Variants in ENKUR observed in about 807,000 individuals in gnomAD.
The protein encoded by ENKUR is enkurin, TRPC channel interacting protein.
ENKUR carries 19 observed loss-of-function variants against 27.6 expected under a neutral mutation model. The observed-to-expected ratio is 0.69, with a 90% CI of 0.48 to 1.01. The LOEUF (loss-of-function observed/expected upper bound fraction) is 1.01. Among genes scored for constraint, ENKUR ranks in the 50% least tolerant of loss-of-function variants. ENKUR has a pLI of 0.00. For missense variants in ENKUR, 312 were observed against 310.5 expected (o/e 1.00, Z -0.04); for synonymous variants, 117 against 96.9 (o/e 1.21, Z -1.22).
At chr10:25,056,440 A>G (rs1051574548) in intron 2 of ENKUR, among the ~76,000 whole-genome samples, 25 of 152,326 alleles carry the variant, frequency 1.6e-4, no homozygotes, top group South Asian at 4.1e-4. Context: ...ATATTTTGGG[A>G]AAATTAGGGA....
In ENKUR at chr10:24,999,500, C is replaced by T. The variant is rs774632118; in HGVS notation, c.124G>A (p.Ala42Thr). The change falls in exon 2 of 6, where the codon GCT becomes ACT. Residue 42 changes from alanine to threonine, a missense_variant. Ala to Thr is a moderately conservative substitution (Grantham distance 58, BLOSUM62 0). Coordinates refer to ENST00000331161, the MANE Select transcript of ENKUR (RefSeq NM_145010.4). The stretch of plus-strand genomic sequence containing the variant: ...CCCATAGTTTTCATTGCAGTTTTAG[C>T]TTTTTGCATGTCATCTTTTACAGTT... ...KATVKDDMQKAKTAMKTMGPA... is the reference protein window; with the variant it reads ...KATVKDDMQKTKTAMKTMGPA... 3 of 1,612,648 alleles carry T rather than the reference C, an allele frequency of 1.9e-6. No individual in the cohort carries two copies. Among genetic ancestry groups the T allele is most frequent in the Admixed American group, 3.3e-5 (2 of 59,836 alleles).
intron 2 of ENKUR, among the ~76,000 whole-genome samples, chr10:25,022,588 G>A (rs1274320827): frequency 6.6e-6 from 1 of 152,148 alleles, no homozygotes; most frequent in Non-Finnish European, 1.5e-5. Context: ...CTGTAGTTTG[G>A]AAAACTAAGC....
chr10:25,025,147 C>T, intron 2 of ENKUR: 1 of 1,614,196 alleles, frequency 6.2e-7, no homozygotes, highest in South Asian at 1.1e-5. Context: ...TTTGGATCCA[C>T]ACACTGCTGT....
intron 1 of ENKUR, among the ~76,000 whole-genome samples, chr10:25,015,529 AT>A (rs936950096): frequency 9.2e-5 from 14 of 152,274 alleles, no homozygotes; most frequent in Admixed American, 2.6e-4. Context: ...TAGAATTGTG[AT>A]TTTTTTCTTT....
At chr10:25,039,409 A>G (rs909953303) in intron 2 of ENKUR, among the ~76,000 whole-genome samples, 1 of 152,104 alleles carries the variant, frequency 6.6e-6, no homozygotes, top group Non-Finnish European at 1.5e-5. Flanking sequence ...GCAGTACCCC[A>G]TCTCTACAAA....
At chr10:25,016,410 G>C (rs1447023140), upstream of ENKUR, among the ~76,000 whole-genome samples, 2 of 152,236 alleles carry the variant, frequency 1.3e-5, no homozygotes, top group Non-Finnish European at 2.9e-5. Context: ...CAGCTGGTGC[G>C]CAGGCGTCAC....
rs376037323 is a variant in ENKUR, at chr10:24,995,795, G to T, written c.298C>A (p.Gln100Lys). ...LKTDHPVMGIQSGKNFINTNA... is the reference protein window; with the variant it reads ...LKTDHPVMGIKSGKNFINTNA... The stretch of plus-strand genomic sequence containing the variant: ...GTATTTATAAAATTTTTTCCACTCT[G>T]TATTCCCATGACAGGATGATCAGTC... The change falls in exon 3 of 6, where the codon CAG becomes AAG. Residue 100 changes from glutamine (Q) to lysine (K), a missense_variant. By Grantham distance (53) the Gln-to-Lys change is moderately conservative. Coordinates refer to ENST00000331161, the MANE Select transcript of ENKUR (RefSeq NM_145010.4). 10 of 1,614,010 alleles carry T rather than the reference G, an allele frequency of 6.2e-6. No homozygotes were observed. Among genetic ancestry groups the T allele is most frequent in the Non-Finnish European group, 8.5e-6 (10 of 1,180,002 alleles).
intron 2 of ENKUR, among the ~76,000 whole-genome samples, chr10:25,057,448 T>A: frequency 6.7e-6 from 1 of 149,480 alleles, no homozygotes; most frequent in Non-Finnish European, 1.5e-5. Flanking sequence ...AAATCGCTCT[T>A]CAGTTCTTGT....
At chr10:25,017,572 A>C (rs190607924), upstream of ENKUR, among the ~76,000 whole-genome samples, 2 of 145,904 alleles carry the variant, frequency 1.4e-5, no homozygotes, top group Non-Finnish European at 3.0e-5. Flanking sequence ...GTAGGTCCTT[A>C]CTTTGGGCTC....
At chr10:25,033,621 A>C (rs1163988384) in intron 2 of ENKUR, among the ~76,000 whole-genome samples, 1 of 152,176 alleles carries the variant, frequency 6.6e-6, no homozygotes, top group Non-Finnish European at 1.5e-5. Flanking sequence ...AAATATTGGA[A>C]TAGGTGAATA....
At chr10:25,027,516 C>T (rs1309573170) in intron 2 of ENKUR, among the ~76,000 whole-genome samples, 1 of 125,172 alleles carries the variant, frequency 8.0e-6, no homozygotes, top group Non-Finnish European at 1.7e-5. Context: ...CCAGCCTGGG[C>T]AACAAGAGCA....
At chr10:25,000,982 A>C (rs573154506) in intron 1 of ENKUR, among the ~76,000 whole-genome samples, 26 of 152,242 alleles carry the variant, frequency 1.7e-4, no homozygotes, top group African/African-American at 5.8e-4. Context: ...CTTTCAAAAG[A>C]ATACTTGCAT....
At chr10:25,023,698 C>T in intron 2 of ENKUR, 1 of 1,613,956 alleles carries the variant, frequency 6.2e-7, no homozygotes, top group Non-Finnish European at 8.5e-7. Context: ...TGTACCTCTA[C>T]TAGATCTAAT....
intron 2 of ENKUR, among the ~76,000 whole-genome samples, chr10:25,056,362 G>A (rs1009449204): frequency 2.0e-5 from 3 of 152,178 alleles, no homozygotes; most frequent in Non-Finnish European, 2.9e-5. Context: ...TTCCAATGCA[G>A]GTCAGTCATG....
chr10:25,055,850 G>A (rs1209560414), intron 2 of ENKUR, among the ~76,000 whole-genome samples: 3 of 152,128 alleles, frequency 2.0e-5, no homozygotes, highest in Admixed American at 2.0e-4. Context: ...TCCATTAGAG[G>A]AATTCAAGCC....
At chr10:25,024,794 G>A (rs1338052545) in intron 2 of ENKUR, 3 of 1,614,006 alleles carry the variant, frequency 1.9e-6, no homozygotes, top group African/African-American at 1.3e-5. Context: ...AAAATGATGG[G>A]AATCCCGATT....
At chr10:25,040,819 C>T (rs1275181507) in intron 2 of ENKUR, among the ~76,000 whole-genome samples, 1 of 152,186 alleles carries the variant, frequency 6.6e-6, no homozygotes, top group Admixed American at 6.5e-5. Context: ...GGTTTTCCTA[C>T]TTAGACCAAG....
At chr10:24,998,226 C>A (rs1465110883) in intron 2 of ENKUR, among the ~76,000 whole-genome samples, 1 of 152,092 alleles carries the variant, frequency 6.6e-6, no homozygotes, top group African/African-American at 2.4e-5. Flanking sequence ...TTCCTCAATG[C>A]CAGCAGACAT....
At chr10:24,996,518 GT>G (rs1444799786) in intron 2 of ENKUR, among the ~76,000 whole-genome samples, 1 of 151,860 alleles carries the variant, frequency 6.6e-6, no homozygotes, top group East Asian at 1.9e-4. Context: ...CTTATTGGCC[GT>G]TTTTACACAG....
Sources: gnomAD v4.1 joint callset for allele counts (sites outside exome capture counted in the v4.1 genomes callset) on GRCh38, gnomAD v4.1.1 for gene constraint, MANE v1.5 for transcripts, NCBI Gene and HGNC (gene_info 2026-07-23, HGNC 2026-07-21) for gene names.